Variants in DCLK1 observed in about 807,000 individuals in gnomAD.
DCLK1 encodes the protein serine/threonine-protein kinase DCLK1.
In DCLK1, 16 loss-of-function variants were observed where a neutral mutation model predicts 86.2. The ratio of observed to expected loss-of-function variants is 0.19; its 90% CI spans 0.13 to 0.28. The LOEUF is 0.28. DCLK1 is among the 10% of genes least tolerant of loss of function. The pLI, the probability that DCLK1 is intolerant of heterozygous loss-of-function variation, is 1.00. For synonymous variants in DCLK1, 369 were observed against 370.5 expected (o/e 1.00, Z 0.05); for missense variants, 590 against 940.2 (o/e 0.63, Z 4.87).
chr13:35,807,758 G>A (rs186759977), intron 14 of DCLK1, among the ~76,000 whole-genome samples: 5 of 152,350 alleles, frequency 3.3e-5, no homozygotes, highest in Admixed American at 2.6e-4. Flanking sequence ...GGACACACAG[G>A]TGTTAAGTGT....
chr13:35,961,495 G>A (rs144350480), intron 3 of DCLK1, among the ~76,000 whole-genome samples: 5 of 152,124 alleles, frequency 3.3e-5, no homozygotes. Flanking sequence ...TGACCAAAGT[G>A]CATGAAAATT....
At chr13:36,028,383 G>T (rs1882127567) in intron 3 of DCLK1, among the ~76,000 whole-genome samples, 2 of 152,162 alleles carry the variant, frequency 1.3e-5, no homozygotes, top group Admixed American at 6.5e-5. Flanking sequence ...ATGGCTCATG[G>T]ACTTCAATGT....
At chr13:35,818,757 C>G (rs966870790) in intron 11 of DCLK1, among the ~76,000 whole-genome samples, 29 of 151,700 alleles carry the variant, frequency 1.9e-4, no homozygotes, top group African/African-American at 7.0e-4. Context: ...AGCTTGCCAT[C>G]TAGTGGTGAC....
chr13:35,835,986 C>A (rs372546898), intron 8 of DCLK1, 47 bp downstream of exon 8: 3 of 1,356,910 alleles, frequency 2.2e-6, no homozygotes, highest in Non-Finnish European at 3.1e-6. Flanking sequence ...GAAAACATAA[C>A]GCCAAATGTA....
At chr13:35,845,707 A>G (rs1870128096) in intron 6 of DCLK1, among the ~76,000 whole-genome samples, 1 of 152,224 alleles carries the variant, frequency 6.6e-6, no homozygotes, top group Non-Finnish European at 1.5e-5. Flanking sequence ...TTTTGTTATT[A>G]CTGTCAGCAT....
At chr13:36,071,999 G>A (rs749766165) in intron 3 of DCLK1, among the ~76,000 whole-genome samples, 2 of 152,214 alleles carry the variant, frequency 1.3e-5, no homozygotes, top group South Asian at 2.1e-4. Context: ...CCAAATTCTC[G>A]ATTTTAATAA....
chr13:35,850,718 T>G, intron 6 of DCLK1: 1 of 1,600,972 alleles, frequency 6.2e-7, no homozygotes, highest in South Asian at 1.1e-5. Context: ...CCATTGTTTC[T>G]TTTACACTGA....
chr13:35,808,651 C>G (rs1035351806), intron 13 of DCLK1, among the ~76,000 whole-genome samples: 3 of 152,026 alleles, frequency 2.0e-5, no homozygotes, highest in Non-Finnish European at 4.4e-5. Context: ...GGTGTGGCGG[C>G]GCACGCCTGT....
intron 4 of DCLK1, among the ~76,000 whole-genome samples, chr13:35,944,724 A>G (rs575107452): frequency 6.6e-6 from 1 of 152,178 alleles, no homozygotes; most frequent in South Asian, 2.1e-4. Flanking sequence ...GGGTTAGGGT[A>G]TTATTCATCC....
At chr13:35,985,404 T>A (rs1301975282) in intron 3 of DCLK1, among the ~76,000 whole-genome samples, 1 of 150,624 alleles carries the variant, frequency 6.6e-6, no homozygotes, top group Admixed American at 6.6e-5. Context: ...AAAAAAAAAA[T>A]TGGAGTACTG....
rs1884113332 is a variant in DCLK1, at chr13:36,074,567, T to C, written c.723+37302A>G. Reference sequence around the variant, plus strand: ...GGGATCTTATTATTGCAGAAACAGATTATCCGTTGTTGAATAAATCATTGA... The same window carrying C: ...GGGATCTTATTATTGCAGAAACAGACTATCCGTTGTTGAATAAATCATTGA... On this transcript the variant is annotated intron_variant, in intron 3 of 16. Coordinates refer to ENST00000360631, the MANE Select transcript of DCLK1 (RefSeq NM_001330071.2). Among the ~76,000 whole-genome samples, 3 of 147,178 alleles carry C rather than the reference T, an allele frequency of 2.0e-5. No individual in the cohort carries two copies. The South Asian group carries it at 6.5e-4, about 32-fold the overall frequency.
chr13:35,787,177 T>A (rs2086639178), intron 16 of DCLK1, among the ~76,000 whole-genome samples: 1 of 151,982 alleles, frequency 6.6e-6, no homozygotes, highest in Non-Finnish European at 1.5e-5. Context: ...TTTTAATTTT[T>A]TGGTAAAACT....
At chr13:35,878,358 C>T (rs1358951291) in intron 4 of DCLK1, among the ~76,000 whole-genome samples, 8 of 152,094 alleles carry the variant, frequency 5.3e-5, no homozygotes, top group East Asian at 1.9e-4. Context: ...CTACTCCACC[C>T]GTTTTCTGAG....
intron 3 of DCLK1, among the ~76,000 whole-genome samples, chr13:35,969,694 C>T (rs376435082): frequency 6.6e-6 from 1 of 152,222 alleles, no homozygotes; most frequent in African/African-American, 2.4e-5. Flanking sequence ...CCACCCAACA[C>T]ACACTGACTC....
chr13:35,892,812 C>T (rs1268104302), intron 4 of DCLK1, among the ~76,000 whole-genome samples: 1 of 151,698 alleles, frequency 6.6e-6, no homozygotes, highest in Non-Finnish European at 1.5e-5. Flanking sequence ...TCCTGTTAAA[C>T]ACCTCTGGAT....
intron 4 of DCLK1, among the ~76,000 whole-genome samples, chr13:35,942,222 A>T (rs1877124858): frequency 6.6e-6 from 1 of 151,758 alleles, no homozygotes; most frequent in Admixed American, 6.6e-5. Flanking sequence ...GCTGGAGTGC[A>T]GTGGTGTGAT....
chr13:35,980,323 T>C (rs1879571696), intron 3 of DCLK1, among the ~76,000 whole-genome samples: 1 of 151,978 alleles, frequency 6.6e-6, no homozygotes, highest in African/African-American at 2.4e-5. Context: ...GGTGCAGTAG[T>C]ACGCACCTGT....
intron 3 of DCLK1, among the ~76,000 whole-genome samples, chr13:36,023,092 A>G (rs966272754): frequency 2.0e-5 from 3 of 152,228 alleles, no homozygotes; most frequent in African/African-American, 7.2e-5. Flanking sequence ...GATTGGTTTA[A>G]TATCTGTATT....
At chr13:35,958,135 T>C (rs1298370486) in intron 3 of DCLK1, among the ~76,000 whole-genome samples, 7 of 15,306 alleles carry the variant, frequency 4.6e-4, no homozygotes, top group African/African-American at 3.3e-3. Context: ...ACCACTACTA[T>C]AACCACCACC....
Sources: allele counts gnomAD v4.1 joint callset (sites outside exome capture counted in the v4.1 genomes callset), GRCh38; gene constraint gnomAD v4.1.1; transcripts MANE v1.5; gene names NCBI Gene and HGNC (gene_info 2026-07-23, HGNC 2026-07-21).